The following MYH9 variants were observed in gnomAD, a reference collection of about 807,000 sequenced individuals.
MYH9 encodes myosin-9.
Under a neutral mutation model 241.9 loss-of-function variants are expected in MYH9, and 29 were observed. That is an observed-to-expected ratio of 0.12 (90% confidence interval 0.09 to 0.16). The LOEUF (loss-of-function observed/expected upper bound fraction) is 0.16, where lower values mean the gene tolerates loss of function less well. Among genes scored for constraint, MYH9 ranks in the 10% least tolerant of loss-of-function variants. The pLI is 1.00. For synonymous variants in MYH9, 1,047 were observed against 1,062.6 expected (o/e 0.99, Z 0.29); for missense variants, 1,803 against 2,595.5 (o/e 0.69, Z 6.63).
intron 2 of MYH9, 117 bp from the exon 3 acceptor site, chr22:36,341,643 G>A: frequency 8.4e-7 from 1 of 1,190,328 alleles, no homozygotes; most frequent in South Asian, 1.3e-5. Context: ...CTGATGTGAA[G>A]GCACTCCCTG....
In MYH9 at chr22:36,318,164, T is replaced by C. The variant is rs1393534745; in HGVS notation, c.1227+43A>G. On this transcript the variant is annotated intron_variant, in intron 11 of 40. Transcript: ENST00000216181. ...CTCAACTGTGCTGCTGCAGGGACAT[T>C]CACCCAGGAGGCAGCCAGCTGCCCT... 4 of 1,550,162 alleles carry C rather than the reference T, an allele frequency of 2.6e-6. 1 individual carries two copies. In the Admixed American group the frequency reaches 6.7e-5, roughly 26 times the overall value.
chr22:36,342,232 A>T (rs1273622207), intron 2 of MYH9, among the ~76,000 whole-genome samples: 1 of 152,204 alleles, frequency 6.6e-6, no homozygotes, highest in Non-Finnish European at 1.5e-5. Flanking sequence ...CAATACTCCA[A>T]GTGTGACTTG....
chr22:36,334,849 A>G (rs2017474355), intron 3 of MYH9, among the ~76,000 whole-genome samples: 1 of 152,162 alleles, frequency 6.6e-6, no homozygotes, highest in Non-Finnish European at 1.5e-5. Flanking sequence ...CAAGAGGACA[A>G]AGGCTCAATT....
At chr22:36,372,758 G>A (rs1344153959) in intron 1 of MYH9, among the ~76,000 whole-genome samples, 1 of 152,098 alleles carries the variant, frequency 6.6e-6, no homozygotes, top group Non-Finnish European at 1.5e-5. Flanking sequence ...AGCCCTGTTC[G>A]TGCCCTCGGT....
At chr22:36,379,657 G>A (rs2018225122) in intron 1 of MYH9, among the ~76,000 whole-genome samples, 14 of 152,172 alleles carry the variant, frequency 9.2e-5, no homozygotes, top group Admixed American at 9.2e-4. Flanking sequence ...CTCGAGGGTG[G>A]GGAAGATCAG....
rs2016780032 is a variant in MYH9 at position 36,295,868 on chromosome 22, T to C, written c.3273-151A>G. 2.7e-6 allele frequency: 2 copies of C among 732,016 alleles called. No homozygotes were observed. The highest frequency in any genetic ancestry group is 4.8e-6 in the Non-Finnish European group (2 of 418,008). 45.3% of individuals were successfully genotyped at this position (732,016 alleles called of 1,614,324 possible). A position where few individuals can be genotyped will look rare whatever the true frequency, so the allele number is the denominator to read the frequency against. ...AGGATGGCTCTCAGCAGAAACAACA[T>C]CTGAGACAACCAGATTGAAGGGCAA... On this transcript the variant is annotated intron_variant, in intron 25 of 40. Transcript: ENST00000216181. The surrounding 1 kb of genome is among the most constrained non-coding windows in gnomAD (Gnocchi z 4.1).
At chr22:36,334,669 G>A (rs563361312) in intron 3 of MYH9, among the ~76,000 whole-genome samples, 5 of 152,296 alleles carry the variant, frequency 3.3e-5, no homozygotes, top group South Asian at 2.1e-4. Flanking sequence ...GAGTGTGGAC[G>A]GAAGGAATGA....
Position 36,301,833 on chromosome 22 carries a change from G to C in MYH9, c.2500-168C>G. 4 of 849,184 alleles carry C rather than the reference G, an allele frequency of 4.7e-6. No homozygotes were observed. The South Asian group carries it at 6.2e-5, about 13-fold the overall frequency. The allele number at this position is 849,184 out of a possible 1,614,324, so 52.6% of individuals were successfully genotyped here. ...CATCCTTCCTGGCGCTCTGTACCACGGGCTTCTGACCCGCTAACTACATTC... is the reference window on the plus strand; with the variant it reads ...CATCCTTCCTGGCGCTCTGTACCACCGGCTTCTGACCCGCTAACTACATTC... On this transcript the variant is annotated intron_variant, in intron 20 of 40. Transcript: ENST00000216181.
intron 30 of MYH9, 32 bp from the exon 31 acceptor site, chr22:36,292,266 G>C (rs1025748585): frequency 6.2e-7 from 1 of 1,612,352 alleles, no homozygotes; most frequent in South Asian, 1.1e-5. Context: ...GCAGATGCCC[G>C]AGATGGCACC....
chr22:36,297,307 T>C (rs889155326), intron 24 of MYH9: 10 of 434,134 alleles, frequency 2.3e-5, no homozygotes, highest in East Asian at 4.4e-5. Context: ...GGCTGTACCA[T>C]GTCTGTATCT....
chr22:36,288,667 A>C lies in MYH9; in HGVS notation c.4770+60T>G, dbSNP rs1486112083. 1 of 1,579,830 alleles carries C rather than the reference A, an allele frequency of 6.3e-7. No individual in the cohort carries two copies. On this transcript the variant is annotated intron_variant, in intron 33 of 40. Transcript: ENST00000216181. This position sits in a 1 kb window ranked among gnomAD's most constrained non-coding sequence, Gnocchi z 4.8. ...AATCCAGGTGGAAGGAGAGAACAGA[A>C]GCCTGCGTGAAGCCAAGGCAGCCTT... is the stretch of plus-strand genomic sequence containing the variant.
Position 36,306,727 on chromosome 22 carries a change from A to C in MYH9, c.1844-120T>G. 1 of 1,032,176 alleles carries C rather than the reference A, an allele frequency of 9.7e-7. No homozygotes were observed. Among genetic ancestry groups the C allele is most frequent in the Non-Finnish European group, 1.5e-6 (1 of 688,480 alleles). The allele number at this position is 1,032,176 out of a possible 1,614,324, so 63.9% of individuals were successfully genotyped here. ...GGAAAAGAGGAGACAGAATGAAACA[A>C]CAGGACCCTTTCCAATTGGAGCCTA... is the stretch of plus-strand genomic sequence containing the variant. On this transcript the variant is annotated intron_variant, in intron 15 of 40. Transcript: ENST00000216181. The surrounding 1 kb of genome is among the most constrained non-coding windows in gnomAD (Gnocchi z 4.1).
intron 1 of MYH9, among the ~76,000 whole-genome samples, chr22:36,365,757 G>T (rs975405198): frequency 6.6e-6 from 1 of 152,034 alleles, no homozygotes; most frequent in Non-Finnish European, 1.5e-5. Flanking sequence ...CACCGCACCC[G>T]GCCTTTTTTT....
rs372687282 is a variant in MYH9, at chr22:36,348,904, G to A, written c.333C>T (p.Tyr111=). 43 of 1,572,226 alleles carry A rather than the reference G, an allele frequency of 2.7e-5. No individual in the cohort carries two copies. The highest frequency in any genetic ancestry group is 1.1e-4 in the South Asian group (10 of 90,164). Residue 111 remains tyrosine, a splice_region_variant and synonymous_variant, in exon 2 of 41, where the codon TAC becomes TAT. Coordinates refer to ENST00000216181, the MANE Select transcript of MYH9 (RefSeq NM_002473.6). The part of the protein sequence containing the change: ...LKERYYSGLI[Y]TYSGLFCVVI... ...GCGGGGTGCCACGGCAGCCACTTAC[G>A]TAGATGAGCCCTGAGTAGTAACGCT...
rs1415504580 is a variant in MYH9 at position 36,295,151 on chromosome 22, C to T, written c.3486-75G>A. The T allele has an allele frequency of 1.9e-6, 3 of 1,602,746 alleles. No individual in the cohort carries two copies. The African/African-American group carries it at 4.0e-5, about 21-fold the overall frequency. ...GCTGTCCCTGGGGCTCTTCCCTGAC[C>T]AAAGAGAGGCCTGGCCAGGGCACAG... On this transcript the variant is annotated intron_variant, in intron 26 of 40. Transcript: ENST00000216181. The surrounding 1 kb of genome is among the most constrained non-coding windows in gnomAD (Gnocchi z 4.1).
chr22:36,381,843 T>G (rs1256353845), intron 1 of MYH9, among the ~76,000 whole-genome samples: 2 of 152,200 alleles, frequency 1.3e-5, no homozygotes, highest in Admixed American at 6.5e-5. Context: ...ACTTGTTTCC[T>G]GTCATCTTCT....
chr22:36,365,796 A>T (rs922719823), intron 1 of MYH9, among the ~76,000 whole-genome samples: 1 of 152,200 alleles, frequency 6.6e-6, no homozygotes, highest in Non-Finnish European at 1.5e-5. Flanking sequence ...TTTTTGTCAT[A>T]AATACAAACA....
At chr22:36,344,521 T>C (rs9607336) in intron 2 of MYH9, among the ~76,000 whole-genome samples, 149,814 of 152,324 alleles carry the variant, frequency 0.98, 73,686 homozygotes, top group East Asian at 1. Flanking sequence ...TAACTCTGCA[T>C]CTGCTGGGGT....
rs143801000 is a variant in MYH9, at chr22:36,306,028, G to A, written c.2061C>T (p.Leu687=). 2.4e-4 allele frequency: 389 copies of A among 1,613,322 alleles called. 1 individual carries two copies. The East Asian group carries it at 3.5e-3, about 14-fold the overall frequency. ...EKKAGKLDPH[L]VLDQLRCNGV... is the part of the protein sequence containing the mutation. ...CGTTGCAGCGCAGCTGGTCCAGCAC[G>A]AGATGCGGGTCCAGCTTGCCGGCCT... The change falls in exon 17 of 41, where the codon CTC becomes CTT. Residue 687 remains leucine (L), a synonymous_variant. Transcript: ENST00000216181. This position sits in a 1 kb window ranked among gnomAD's most constrained non-coding sequence, Gnocchi z 4.1.
Sources: allele counts gnomAD v4.1 joint callset (sites outside exome capture counted in the v4.1 genomes callset), GRCh38; gene constraint gnomAD v4.1.1; non-coding constraint Gnocchi (gnomAD v3.1); transcripts MANE v1.5; gene names NCBI Gene and HGNC (gene_info 2026-07-23, HGNC 2026-07-21).